The following CTBP2 variants were observed in gnomAD, a reference collection of about 807,000 sequenced individuals.
CTBP2 encodes the protein C-terminal-binding protein 2.
CTBP2 carries 30 observed loss-of-function variants against 80.3 expected under a neutral mutation model. That is an observed-to-expected ratio of 0.37 (90% confidence interval 0.28 to 0.51). The LOEUF (loss-of-function observed/expected upper bound fraction) is 0.51, where lower values mean the gene tolerates loss of function less well. Ranked by LOEUF, CTBP2 falls within the 20% of genes least tolerant of loss-of-function variation. The probability of loss-of-function intolerance (pLI) is 0.93; values close to 1 mark genes in which losing one functional copy is unlikely to be tolerated. For synonymous variants in CTBP2, 594 were observed against 587.4 expected, an observed-to-expected ratio of 1.01 and a Z score of -0.16; for missense variants, 1,212 against 1,375.3, an observed-to-expected ratio of 0.88 and a Z score of 1.88.
intron 2 of CTBP2, among the ~76,000 whole-genome samples, chr10:125,049,569 T>TATAC (rs1181912424): frequency 6.6e-6 from 1 of 152,124 alleles, no homozygotes; most frequent in Non-Finnish European, 1.5e-5. Context: ...GGTTCCTCTG[T>TATAC]ACAACCCACT....
chr10:125,010,158 C>A (rs1481900643), intron 1 of CTBP2, among the ~76,000 whole-genome samples: 1 of 140,314 alleles, frequency 7.1e-6, no homozygotes, highest in Non-Finnish European at 1.5e-5. Flanking sequence ...GCTCCGGGAG[C>A]AGCTTCAAGG....
intron 2 of CTBP2, among the ~76,000 whole-genome samples, chr10:125,074,282 G>A (rs1845955784): frequency 6.6e-6 from 1 of 152,216 alleles, no homozygotes; most frequent in South Asian, 2.1e-4. Flanking sequence ...ACAATTGGCT[G>A]TAGGCAATGA....
intron 2 of CTBP2, among the ~76,000 whole-genome samples, chr10:125,096,977 A>G (rs1203199519): frequency 2.0e-5 from 3 of 152,218 alleles, no homozygotes; most frequent in Non-Finnish European, 4.4e-5. Flanking sequence ...AAATAGCTCT[A>G]CATTTCTATC....
At chr10:125,017,104 G>A (rs889339492) in intron 1 of CTBP2, among the ~76,000 whole-genome samples, 3 of 152,182 alleles carry the variant, frequency 2.0e-5, no homozygotes, top group African/African-American at 7.2e-5. Context: ...GAACCCCGGG[G>A]GAAGTCAGCG....
At chr10:125,069,026 A>G (rs1845060191) in intron 2 of CTBP2, among the ~76,000 whole-genome samples, 1 of 152,088 alleles carries the variant, frequency 6.6e-6, no homozygotes, top group Non-Finnish European at 1.5e-5. Flanking sequence ...GAAGGGAACG[A>G]TGCACTCACA....
intron 1 of CTBP2, among the ~76,000 whole-genome samples, chr10:125,142,698 G>T (rs913865245): frequency 6.6e-5 from 10 of 152,312 alleles, no homozygotes; most frequent in African/African-American, 2.4e-4. Context: ...TTTATGCAGT[G>T]AACTGTGAAA....
chr10:125,022,466 G>A (rs2134604139), intron 1 of CTBP2, among the ~76,000 whole-genome samples: 1 of 152,278 alleles, frequency 6.6e-6, no homozygotes, highest in Non-Finnish European at 1.5e-5. Flanking sequence ...TGGAAAGAAG[G>A]AAGAACAGCA....
chr10:125,051,460 C>T (rs900406357), intron 2 of CTBP2, among the ~76,000 whole-genome samples: 5 of 152,220 alleles, frequency 3.3e-5, no homozygotes, highest in East Asian at 1.9e-4. Context: ...GCCAACATGG[C>T]AAAACCCCAT....
intron 1 of CTBP2, among the ~76,000 whole-genome samples, chr10:125,130,835 G>C (rs1856047070): frequency 6.6e-6 from 1 of 152,134 alleles, no homozygotes. Flanking sequence ...AAACTGCCAA[G>C]CATCGCCCCC....
At chr10:125,108,461 C>T (rs1013554552) in intron 2 of CTBP2, among the ~76,000 whole-genome samples, 2 of 152,176 alleles carry the variant, frequency 1.3e-5, no homozygotes, top group Non-Finnish European at 2.9e-5. Context: ...TGTGTCTAGA[C>T]CAGAGATCTC....
In CTBP2 at chr10:124,995,573, A is replaced by C. The variant is rs1403047603; in HGVS notation, c.2186-890T>G. Among the ~76,000 whole-genome samples, 3 of 152,220 alleles carry C rather than the reference A, an allele frequency of 2.0e-5. No homozygotes were observed. In the East Asian group the frequency reaches 5.8e-4, roughly 29 times the overall value. On this transcript the variant is annotated intron_variant, in intron 4 of 8. Coordinates refer to ENST00000309035, the MANE Select transcript of CTBP2 (RefSeq NM_022802.3). The stretch of plus-strand genomic sequence containing the variant: ...TTTCCGAGCAGGCAGCCTGTGTTCC[A>C]GGGGTACCTCAATGCTGGATGGCTC...
At chr10:125,055,418 C>T (rs1447620505) in intron 2 of CTBP2, among the ~76,000 whole-genome samples, 2 of 152,146 alleles carry the variant, frequency 1.3e-5, no homozygotes, top group Non-Finnish European at 2.9e-5. Flanking sequence ...GGATGATTTC[C>T]TAGGATCACG....
At chr10:125,015,651 C>G (rs1956400943) in intron 1 of CTBP2, among the ~76,000 whole-genome samples, 1 of 152,254 alleles carries the variant, frequency 6.6e-6, no homozygotes, top group East Asian at 1.9e-4. Flanking sequence ...CCCCGAAGCA[C>G]TTCCAAGAAG....
chr10:125,022,305 G>C (rs915119528), intron 1 of CTBP2, among the ~76,000 whole-genome samples: 1 of 152,244 alleles, frequency 6.6e-6, no homozygotes, highest in Non-Finnish European at 1.5e-5. Flanking sequence ...GCTATACATA[G>C]TCACAGTTAA....
intron 1 of CTBP2, among the ~76,000 whole-genome samples, chr10:125,143,037 C>G (rs1261605339): frequency 1.3e-5 from 2 of 152,164 alleles, no homozygotes; most frequent in Non-Finnish European, 2.9e-5. Flanking sequence ...GTGGCCACCT[C>G]TGCCCACCCC....
intron 2 of CTBP2, among the ~76,000 whole-genome samples, chr10:125,091,590 C>A (rs902498586): frequency 6.6e-6 from 1 of 152,136 alleles, no homozygotes; most frequent in Non-Finnish European, 1.5e-5. Context: ...CTGGGCAACA[C>A]AGGGAGACCC....
rs543329188 is a variant in CTBP2, at chr10:125,012,638, A to ATTGTTG, written c.1679-9152_1679-9147dup. Among the ~76,000 whole-genome samples the ATTGTTG allele has an allele frequency of 1.7e-3, 263 of 152,254 alleles. 2 individuals carry two copies. The highest frequency in any genetic ancestry group is 6.1e-3 in the African/African-American group (253 of 41,552). Reference sequence around the variant, plus strand: ...CTCAGGGCATCGCCAAAGACTAAAAATTGTTGTTGTTGTTGTTTTGAGATG... The same window carrying ATTGTTG: ...CTCAGGGCATCGCCAAAGACTAAAAATTGTTGTTGTTGTTGTTGTTGTTTTGAGATG... On this transcript the variant is annotated intron_variant, in intron 1 of 8. Transcript: ENST00000309035.
chr10:125,053,570 C>T (rs916718752), intron 2 of CTBP2, among the ~76,000 whole-genome samples: 39 of 152,294 alleles, frequency 2.6e-4, no homozygotes, highest in Middle Eastern at 3.4e-3. Flanking sequence ...AATCAACAGG[C>T]TCAGCTCAAG....
At chr10:125,045,862 T>C (rs1045140853) in intron 2 of CTBP2, among the ~76,000 whole-genome samples, 13 of 152,222 alleles carry the variant, frequency 8.5e-5, no homozygotes, top group African/African-American at 2.4e-4. Context: ...GGAGCTCATA[T>C]TTCCCCAGGG....
Sources: allele counts gnomAD v4.1 joint callset (sites outside exome capture counted in the v4.1 genomes callset), GRCh38; gene constraint gnomAD v4.1.1; transcripts MANE v1.5; gene names NCBI Gene and HGNC (gene_info 2026-07-23, HGNC 2026-07-21).